EP400: variants seen among roughly 807,000 people sequenced by gnomAD.
EP400 encodes E1A binding protein p400, also known as E1A-binding protein p400.
A neutral mutation model predicts 354.1 loss-of-function variants in EP400; 105 were observed. The ratio of observed to expected loss-of-function variants is 0.30; its 90% CI spans 0.25 to 0.35. The LOEUF (loss-of-function observed/expected upper bound fraction) is 0.35, where lower values mean the gene tolerates loss of function less well. Among genes scored for constraint, EP400 ranks in the 10% least tolerant of loss-of-function variants. The pLI is 1.00. For missense variants in EP400, 3,280 were observed against 4,121.0 expected (o/e 0.80, Z 5.59); for synonymous variants, 1,646 against 1,716.9 (o/e 0.96, Z 1.02).
chr12:132,016,802 T>C (rs1034329084), intron 19 of EP400, among the ~76,000 whole-genome samples: 1 of 152,196 alleles, frequency 6.6e-6, no homozygotes, highest in African/African-American at 2.4e-5. Context: ...GCTCCCTCCC[T>C]GGTGTTCCTG....
chr12:131,999,478 G>T (rs1177939727), intron 12 of EP400, among the ~76,000 whole-genome samples: 1 of 152,088 alleles, frequency 6.6e-6, no homozygotes, highest in African/African-American at 2.4e-5. Flanking sequence ...TTGCTCTGTC[G>T]CCCAGGCTGG....
At chr12:132,006,565 C>T (rs946883149) in intron 14 of EP400, 135 bp from the exon 15 acceptor site, 8 of 1,007,464 alleles carry the variant, frequency 7.9e-6, no homozygotes, top group African/African-American at 4.9e-5. Context: ...GCAATTCTTC[C>T]TCTTCCTGTT....
chr12:132,037,972 T>G lies in EP400; in HGVS notation c.6083T>G (p.Phe2028Cys), dbSNP rs1894772283. 2 of 1,614,100 alleles carry G rather than the reference T, an allele frequency of 1.2e-6. No individual in the cohort carries two copies. Among genetic ancestry groups the G allele is most frequent in the Admixed American group, 1.7e-5 (1 of 60,008 alleles). ...GTTCAGCGAACCATCCAGGAGCTGT[T>G]TGAAGTTTATTCTCCCATGGATGAT... ...FLTQRTIQEL[F>C]EVYSPMDDAG... Residue 2028 changes from phenylalanine to cysteine, a missense_variant, in exon 32 of 53, where the codon TTT (phenylalanine) becomes TGT (cysteine). Around this residue, in one of 20 missense-constraint regions of EP400, gnomAD observed 60 missense variants for 109.9 expected, o/e 0.55. Transcript: ENST00000389561.
At chr12:132,033,258 T>C (rs1158161736) in intron 30 of EP400, among the ~76,000 whole-genome samples, 3 of 152,208 alleles carry the variant, frequency 2.0e-5, no homozygotes, top group African/African-American at 7.2e-5. Flanking sequence ...TATTATTATC[T>C]GTAAAGATAA....
intron 15 of EP400, among the ~76,000 whole-genome samples, chr12:132,007,272 T>C (rs1396093518): frequency 6.6e-6 from 1 of 152,234 alleles, no homozygotes; most frequent in Non-Finnish European, 1.5e-5. Flanking sequence ...TGGCTCACTG[T>C]ATCCTTTTCA....
chr12:131,982,380 C>G lies in EP400; in HGVS notation c.1831C>G (p.Leu611Val), dbSNP rs1566171664. 1 of 1,614,218 alleles carries G rather than the reference C, an allele frequency of 6.2e-7. No individual in the cohort carries two copies. Among genetic ancestry groups the G allele is most frequent in the East Asian group, 2.2e-5 (1 of 44,874 alleles). Residue 611 changes from leucine (L) to valine (V), a missense_variant, in exon 5 of 53, where the codon CTC becomes GTC. Transcript: ENST00000389561. ...VPIPAPPSSQ[L>V]PIPPSQPAQL... The stretch of plus-strand genomic sequence containing the variant: ...CATCCCTGCACCGCCCAGCAGCCAA[C>G]TCCCCATCCCTCCCTCGCAGCCTGC...
At chr12:131,962,610 A>G (rs1280935333) in intron 2 of EP400, among the ~76,000 whole-genome samples, 1 of 152,234 alleles carries the variant, frequency 6.6e-6, no homozygotes, top group Non-Finnish European at 1.5e-5. Flanking sequence ...ACAAATACCT[A>G]TTAAGTGATA....
At position 132,052,288 on chromosome 12, in the gene EP400, C is replaced by T. The variant is rs535482268; in HGVS notation, c.7395-858C>T. 2.0e-5 allele frequency among the ~76,000 whole-genome samples: 3 copies of T among 152,314 alleles called. No individual in the cohort carries two copies. Among genetic ancestry groups the T allele is most frequent in the South Asian group, 4.1e-4 (2 of 4,824 alleles). Reference sequence around the variant, plus strand: ...CAGTGGCGGATTTGGGAGGCTTCCTCGTTCTGTGGCCCCCTTTCCGCACAG... The same window carrying T: ...CAGTGGCGGATTTGGGAGGCTTCCTTGTTCTGTGGCCCCCTTTCCGCACAG... On this transcript the variant is annotated intron_variant, in intron 41 of 52. Transcript: ENST00000389561. The surrounding 1 kb of genome is among the most constrained non-coding windows in gnomAD (Gnocchi z 4.4).
Position 132,037,742 on chromosome 12 carries a change from C to T in EP400, c.6012C>T (p.Ile2004=). 1 of 1,614,218 alleles carries T rather than the reference C, an allele frequency of 6.2e-7. No homozygotes were observed. The highest frequency in any genetic ancestry group is 8.5e-7 in the Non-Finnish European group (1 of 1,180,046). ...TGAAAAATGGAACTAAAGATCTGAT[C>T]CGAGAAGTGGCTGCTCAGGGAAATG... ...KLLKNGTKDL[I]REVAAQGNDY... Residue 2004 remains isoleucine (I), a synonymous_variant, in exon 31 of 53, where the codon ATC becomes ATT. Coordinates refer to ENST00000389561, the MANE Select transcript of EP400 (RefSeq NM_015409.5).
intron 39 of EP400, among the ~76,000 whole-genome samples, chr12:132,049,059 C>T (rs1895208579): frequency 1.3e-5 from 2 of 152,248 alleles, no homozygotes; most frequent in Non-Finnish European, 2.9e-5. Flanking sequence ...TAAAGGACAT[C>T]CTGAGCCTCC....
chr12:131,980,766 G>C (rs970878446), intron 3 of EP400, among the ~76,000 whole-genome samples: 1 of 152,146 alleles, frequency 6.6e-6, no homozygotes, highest in Non-Finnish European at 1.5e-5. Context: ...TGTTGCCCAG[G>C]CTGGTCTCAA....
chr12:131,957,979 T>G (rs1325682783), intron 1 of EP400, among the ~76,000 whole-genome samples: 4 of 152,330 alleles, frequency 2.6e-5, no homozygotes, highest in Non-Finnish European at 5.9e-5. Flanking sequence ...TGACATAACT[T>G]TAAAATTCCT....
rs144202052 is a variant in EP400 at position 131,973,470 on chromosome 12, C to T, written c.1336-6224C>T. ...CAGCCTGGCCAACATGGCAAAACCC[C>T]ATCTCTACCAAAAATACCAAAAATT... On this transcript the variant is annotated intron_variant, in intron 2 of 52. Coordinates refer to ENST00000389561, the MANE Select transcript of EP400 (RefSeq NM_015409.5). Among the ~76,000 whole-genome samples, 63 of 152,264 alleles carry T rather than the reference C, an allele frequency of 4.1e-4. 1 individual carries two copies. The highest frequency in any genetic ancestry group is 1.4e-3 in the African/African-American group (58 of 41,548).
At chr12:132,001,974 C>T (rs373304904) in intron 12 of EP400, among the ~76,000 whole-genome samples, 1 of 152,218 alleles carries the variant, frequency 6.6e-6, no homozygotes, top group African/African-American at 2.4e-5. Context: ...ACTGGAACAG[C>T]TCGTGCCCTC....
At chr12:132,036,097 CGTG>C (rs1565924198) in intron 30 of EP400, among the ~76,000 whole-genome samples, 7 of 149,754 alleles carry the variant, frequency 4.7e-5, no homozygotes. Flanking sequence ...CACGGAATGT[CGTG>C]GAAGGACACA....
rs199940202 is a variant in EP400 at position 132,066,803 on chromosome 12, G to T, written c.8583G>T (p.Ala2861=). The T allele has an allele frequency of 6.2e-7, 1 of 1,613,854 alleles. No homozygotes were observed. Among genetic ancestry groups the T allele is most frequent in the Non-Finnish European group, 8.5e-7 (1 of 1,179,930 alleles). The change falls in exon 49 of 53, where the codon GCG becomes GCT. Residue 2861 remains alanine (A), a synonymous_variant. Transcript: ENST00000389561. ...LTRVPTSQLQ[A]QGQMQTQAPQ... ...GGGTTCCCACTTCTCAGCTGCAGGC[G>T]CAAGGGCAGATGCAGACCCAGGCAC...
chr12:132,007,910 G>C (rs1297280529), intron 15 of EP400, among the ~76,000 whole-genome samples: 1 of 151,730 alleles, frequency 6.6e-6, no homozygotes, highest in Non-Finnish European at 1.5e-5. Flanking sequence ...AGCTTAAGGA[G>C]AGAGAGGCAG....
chr12:132,041,347 C>T (rs1290637899), intron 32 of EP400, among the ~76,000 whole-genome samples: 1 of 152,246 alleles, frequency 6.6e-6, no homozygotes, highest in African/African-American at 2.4e-5. Context: ...GTAGAAGCAC[C>T]TGGTAGCCAG....
At chr12:132,062,022 G>T (rs1272925911) in intron 45 of EP400, 88 bp from the exon 46 acceptor site, 1 of 1,147,832 alleles carries the variant, frequency 8.7e-7, no homozygotes, top group Non-Finnish European at 1.3e-6. Flanking sequence ...CTCTGAAGTT[G>T]GGTGCTCTTG....
Sources: gnomAD v4.1 joint callset for allele counts (sites outside exome capture counted in the v4.1 genomes callset) on GRCh38, gnomAD v4.1.1 for gene constraint, gnomAD v4.1.1 regional missense constraint, Gnocchi (gnomAD v3.1) non-coding constraint, MANE v1.5 for transcripts, NCBI Gene and HGNC (gene_info 2026-07-23, HGNC 2026-07-21) for gene names.